FBXW12: variants seen among roughly 807,000 people sequenced by gnomAD.
FBXW12 encodes the protein F-box and WD repeat domain containing 12, also known as F-box/WD repeat-containing protein 12.
A neutral mutation model predicts 55.3 loss-of-function variants in FBXW12; 43 were observed. The ratio of observed to expected loss-of-function variants is 0.78; its 90% CI spans 0.61 to 1.00. The LOEUF (loss-of-function observed/expected upper bound fraction) is 1.00, where lower values mean the gene tolerates loss of function less well. Ranked by LOEUF, FBXW12 falls within the 50% of genes least tolerant of loss-of-function variation. FBXW12 has a pLI of 0.00. For missense variants in FBXW12, 524 were observed against 560.5 expected (o/e 0.93, Z 0.66); for synonymous variants, 184 against 203.8 (o/e 0.90, Z 0.83).
chr3:48,376,429 C>T (rs2036687451), intron 5 of FBXW12, among the ~76,000 whole-genome samples: 1 of 152,118 alleles, frequency 6.6e-6, no homozygotes, highest in Admixed American at 6.5e-5. Context: ...CAATGATTGG[C>T]ATTTGTTATA....
chr3:48,373,720 GC>G lies in FBXW12; in HGVS notation c.286+18del, dbSNP rs758979492. The G allele has an allele frequency of 3.7e-6, 6 of 1,602,006 alleles. No individual in the cohort carries two copies. In the East Asian group the frequency reaches 1.1e-4, roughly 30 times the overall value. Reference sequence around the variant, plus strand: ...TAAGAACATCGGTATGGGTATAGGTGCCCTAGAGGAACATGAGCAGCTTGTT... The same window carrying G: ...TAAGAACATCGGTATGGGTATAGGTGCCTAGAGGAACATGAGCAGCTTGTT... On this transcript the variant is annotated intron_variant, in intron 4 of 10. Coordinates refer to ENST00000296438, the MANE Select transcript of FBXW12 (RefSeq NM_207102.2).
intron 10 of FBXW12, among the ~76,000 whole-genome samples, chr3:48,389,230 GGTTT>G (rs1306672395): frequency 2.6e-5 from 4 of 151,982 alleles, no homozygotes; most frequent in Non-Finnish European, 5.9e-5. Context: ...TTTTTTAATG[GGTTT>G]GTTTTTTACT....
In FBXW12 at chr3:48,381,958, C is replaced by A; in HGVS notation, c.1168C>A (p.Pro390Thr). The A allele has an allele frequency of 6.2e-7, 1 of 1,614,162 alleles. No homozygotes were observed. Among genetic ancestry groups the A allele is most frequent in the Non-Finnish European group, 8.5e-7 (1 of 1,180,022 alleles). Residue 390 changes from proline to threonine, a missense_variant, in exon 10 of 11, where the codon CCT (proline) becomes ACT (threonine). By Grantham distance (38) the Pro-to-Thr change is conservative. Coordinates refer to ENST00000296438, the MANE Select transcript of FBXW12 (RefSeq NM_207102.2). ...QAAINNFWVDPCYVLTTSENS... is the reference protein window; with the variant it reads ...QAAINNFWVDTCYVLTTSENS... ...TCACTCTGGCTATCCTTGGAAGGAT[C>A]CTTGCTATGTGCTCACCACATCCGA...
At chr3:48,393,646 GGGCACAATGGCTC>G in intron 10 of FBXW12, among the ~76,000 whole-genome samples, 1 of 152,218 alleles carries the variant, frequency 6.6e-6, no homozygotes, top group South Asian at 2.1e-4. Flanking sequence ...ATCCAGGGCT[GGGCACAATGGCTC>G]ACGCCTGTAA....
At chr3:48,377,224 G>A (rs967449451) in intron 5 of FBXW12, among the ~76,000 whole-genome samples, 3 of 152,180 alleles carry the variant, frequency 2.0e-5, no homozygotes, top group South Asian at 2.1e-4. Context: ...TGATAATCAC[G>A]ATCAATCTTG....
At chr3:48,388,463 T>C (rs1036620251) in intron 10 of FBXW12, among the ~76,000 whole-genome samples, 1 of 152,242 alleles carries the variant, frequency 6.6e-6, no homozygotes, top group Non-Finnish European at 1.5e-5. Flanking sequence ...AGGATTAATA[T>C]ATCTTCTAGG....
intron 3 of FBXW12, 80 bp from the exon 4 acceptor site, chr3:48,373,467 TA>T: frequency 6.2e-7 from 1 of 1,603,752 alleles, no homozygotes; most frequent in Non-Finnish European, 8.5e-7. Flanking sequence ...TTAGTGTGAG[TA>T]GGGGGTTGTG....
intron 2 of FBXW12, 121 bp from the exon 3 acceptor site, chr3:48,373,187 G>A (rs2036628609): frequency 6.9e-7 from 1 of 1,458,858 alleles, no homozygotes; most frequent in South Asian, 1.2e-5. Context: ...TGCTTTGAGA[G>A]CTGGAATCCC....
chr3:48,383,619 G>A (rs562468053), intron 10 of FBXW12, among the ~76,000 whole-genome samples: 1 of 152,216 alleles, frequency 6.6e-6, no homozygotes, highest in South Asian at 2.1e-4. Flanking sequence ...ACTGGGCTTG[G>A]GGGATTGTAT....
chr3:48,392,284 C>G (rs1228545980), intron 10 of FBXW12, among the ~76,000 whole-genome samples: 1 of 151,998 alleles, frequency 6.6e-6, no homozygotes, highest in African/African-American at 2.4e-5. Flanking sequence ...AACCCCATCT[C>G]TACTAAAATA....
chr3:48,387,196 G>C (rs950549143), intron 10 of FBXW12, among the ~76,000 whole-genome samples: 2 of 152,042 alleles, frequency 1.3e-5, no homozygotes, highest in Non-Finnish European at 1.5e-5. Context: ...TGATGGGTGA[G>C]TTTTTACAGT....
intron 10 of FBXW12, among the ~76,000 whole-genome samples, chr3:48,394,067 G>A (rs1486564871): frequency 6.6e-6 from 1 of 151,906 alleles, no homozygotes; most frequent in African/African-American, 2.4e-5. Context: ...GTGAGCCACC[G>A]TGCCTGGCCT....
intron 10 of FBXW12, among the ~76,000 whole-genome samples, chr3:48,392,507 T>C (rs1428365767): frequency 6.8e-6 from 1 of 147,654 alleles, no homozygotes; most frequent in Non-Finnish European, 1.5e-5. Context: ...TTGATTACTA[T>C]AGTTTTGTGA....
chr3:48,378,745 G>A (rs548102217), intron 6 of FBXW12, among the ~76,000 whole-genome samples: 2 of 151,496 alleles, frequency 1.3e-5, no homozygotes, highest in South Asian at 2.1e-4. Context: ...CTCCTGAGTC[G>A]CTGAGACTAC....
At chr3:48,380,613 A>G in intron 7 of FBXW12, 89 bp from the exon 8 acceptor site, 1 of 949,748 alleles carries the variant, frequency 1.1e-6, no homozygotes, top group Non-Finnish European at 1.7e-6. Context: ...ACAAGATGAG[A>G]ATTTCTAAGA....
intron 10 of FBXW12, among the ~76,000 whole-genome samples, chr3:48,385,669 C>A (rs1284254205): frequency 6.6e-6 from 1 of 152,204 alleles, no homozygotes; most frequent in Non-Finnish European, 1.5e-5. Flanking sequence ...CTTTTCTTCA[C>A]ATCCTCACCA....
In FBXW12 at chr3:48,380,821, A is replaced by G. The variant is rs1353779307; in HGVS notation, c.894A>G (p.Thr298=). ...CCCCAAAGGTGAAAAACAGGATAACACTGATGTCCCAAAGTAGCACTGGAA... is the reference window on the plus strand; with the variant it reads ...CCCCAAAGGTGAAAAACAGGATAACGCTGATGTCCCAAAGTAGCACTGGAA... ...CWTPKVKNRI[T]LMSQSSTGKK... The change falls in exon 8 of 11, where the codon ACA becomes ACG. Residue 298 remains threonine (T), a synonymous_variant. Transcript: ENST00000296438. 6.2e-7 allele frequency: 1 copy of G among 1,614,178 alleles called. No homozygotes were observed. Among genetic ancestry groups the G allele is most frequent in the African/African-American group, 1.3e-5 (1 of 75,036 alleles).
chr3:48,376,674 A>G (rs1268224158), intron 5 of FBXW12, among the ~76,000 whole-genome samples: 1 of 152,224 alleles, frequency 6.6e-6, no homozygotes, highest in Non-Finnish European at 1.5e-5. Flanking sequence ...AAACTTTTAC[A>G]GGCAGGAAGC....
chr3:48,384,235 T>C (rs2036814591), intron 10 of FBXW12, among the ~76,000 whole-genome samples: 1 of 152,208 alleles, frequency 6.6e-6, no homozygotes, highest in Admixed American at 6.5e-5. Flanking sequence ...TTTTGTAGTT[T>C]TTAGGATAAA....
Sources: gnomAD v4.1 joint callset for allele counts (sites outside exome capture counted in the v4.1 genomes callset) on GRCh38, gnomAD v4.1.1 for gene constraint, MANE v1.5 for transcripts, NCBI Gene and HGNC (gene_info 2026-07-23, HGNC 2026-07-21) for gene names.